USH1C: variants seen among roughly 807,000 people sequenced by gnomAD.
USH1C encodes harmonin.
USH1C carries 90 observed loss-of-function variants against 119.3 expected under a neutral mutation model. The observed-to-expected ratio is 0.75, with a 90% CI of 0.64 to 0.90. The LOEUF (loss-of-function observed/expected upper bound fraction) is 0.90. USH1C is among the 40% of genes least tolerant of loss of function. USH1C has a pLI of 0.00. For missense variants in USH1C, 1,165 were observed against 1,167.7 expected (o/e 1.00, Z 0.03); for synonymous variants, 465 against 443.3 (o/e 1.05, Z -0.62).
chr11:17,542,062 G>C (rs1851492790), intron 1 of USH1C, among the ~76,000 whole-genome samples: 3 of 152,200 alleles, frequency 2.0e-5, no homozygotes, highest in Admixed American at 2.0e-4. Flanking sequence ...CCACACACAT[G>C]TAGGTCTCAT....
intron 14 of USH1C, among the ~76,000 whole-genome samples, 186 bp downstream of exon 14, chr11:17,520,684 G>A (rs1191602053): frequency 6.6e-6 from 1 of 152,134 alleles, no homozygotes; most frequent in Admixed American, 6.5e-5. Flanking sequence ...TGAACAAGGG[G>A]AGCAGACAGA....
chr11:17,533,345 C>G, intron 1 of USH1C, 23 bp from the exon 2 acceptor site: 1 of 1,584,056 alleles, frequency 6.3e-7, no homozygotes, highest in Non-Finnish European at 8.6e-7. Flanking sequence ...ATAGCAGAAT[C>G]ACAGCTCCAG....
intron 1 of USH1C, among the ~76,000 whole-genome samples, chr11:17,534,568 C>T (rs916658042): frequency 6.6e-6 from 1 of 152,190 alleles, no homozygotes; most frequent in Non-Finnish European, 1.5e-5. Context: ...TTCTCCCTAC[C>T]TCAGTGCAAG....
chr11:17,517,309 C>A (rs993437420), intron 14 of USH1C: 2 of 1,310,440 alleles, frequency 1.5e-6, no homozygotes, highest in Non-Finnish European at 1.1e-6. Context: ...ACATGCTGGG[C>A]CCCTGAAGCT....
At chr11:17,503,131 G>A (rs1453472438) in intron 20 of USH1C, among the ~76,000 whole-genome samples, 1 of 152,214 alleles carries the variant, frequency 6.6e-6, no homozygotes, top group Non-Finnish European at 1.5e-5. Context: ...TCAACCCCAA[G>A]AGGCCATGAG....
rs1278150376 is a variant in USH1C at position 17,501,999 on chromosome 11, C to T, written c.2185-19G>A. Reference sequence around the variant, plus strand: ...GGAAATCCTGGAAGCAAAGGGAGGGCTTTAGGGCAACACAGCAGAGGGTCT... The same window carrying T: ...GGAAATCCTGGAAGCAAAGGGAGGGTTTTAGGGCAACACAGCAGAGGGTCT... On this transcript the variant is annotated intron_variant, in intron 20 of 26. Transcript: ENST00000005226. The T allele has an allele frequency of 6.2e-7, 1 of 1,613,016 alleles. No homozygotes were observed. Among genetic ancestry groups the T allele is most frequent in the South Asian group, 1.1e-5 (1 of 90,856 alleles).
At chr11:17,498,382 G>C in intron 23 of USH1C, 111 bp from the exon 24 acceptor site, 1 of 1,022,022 alleles carries the variant, frequency 9.8e-7, no homozygotes, top group Non-Finnish European at 1.6e-6. Flanking sequence ...CTGAGCCTGG[G>C]TTCTGAAAGC....
chr11:17,517,465 C>A (rs143923730), intron 14 of USH1C: 37 of 1,592,624 alleles, frequency 2.3e-5, no homozygotes, highest in Non-Finnish European at 3.1e-5. Context: ...AGGTTCCACT[C>A]CCTGATCATC....
chr11:17,522,050 C>G (rs1434146329), intron 12 of USH1C, among the ~76,000 whole-genome samples: 1 of 152,110 alleles, frequency 6.6e-6, no homozygotes, highest in African/African-American at 2.4e-5. Flanking sequence ...CCAGGCTGGT[C>G]TCGAACTCCT....
chr11:17,496,104 G>C (rs895150871), intron 25 of USH1C, among the ~76,000 whole-genome samples: 2 of 151,972 alleles, frequency 1.3e-5, no homozygotes, highest in African/African-American at 4.8e-5. Flanking sequence ...AAGAATAGGA[G>C]ACAGTGAGAG....
At chr11:17,510,169 C>T (rs1158579784) in intron 17 of USH1C, among the ~76,000 whole-genome samples, 1 of 152,194 alleles carries the variant, frequency 6.6e-6, no homozygotes, top group African/African-American at 2.4e-5. Context: ...ACAGGCCTAA[C>T]TGAGACTATC....
At chr11:17,516,508 T>G in intron 14 of USH1C, 1 of 586,494 alleles carries the variant, frequency 1.7e-6, no homozygotes, top group Non-Finnish European at 3.1e-6. Context: ...AAAGCCCCGG[T>G]TCCCAGGCCC....
In USH1C at chr11:17,517,288, T is replaced by C. The variant is rs1045766057; in HGVS notation, c.1211-998A>G. 58 of 1,093,352 alleles carry C rather than the reference T, an allele frequency of 5.3e-5. No homozygotes were observed. The East Asian group carries it at 8.2e-4, about 16-fold the overall frequency. The allele number at this position is 1,093,352 out of a possible 1,614,324, so 67.7% of individuals were successfully genotyped here. ...GCTTGGAGGAGCTTTACAGACTCTA[T>C]TGGCCCCCACACATGCTGGGCCCCT... On this transcript the variant is annotated intron_variant, in intron 14 of 26. Coordinates refer to ENST00000005226, the MANE Select transcript of USH1C (RefSeq NM_153676.4).
At chr11:17,533,390 G>T in intron 1 of USH1C, 68 bp from the exon 2 acceptor site, 4 of 1,193,472 alleles carry the variant, frequency 3.4e-6, no homozygotes, top group South Asian at 1.2e-5. Context: ...ACCTCAGGGA[G>T]GAGAGGTCAT....
rs774790511 is a variant in USH1C at position 17,524,497 on chromosome 11, A to G, written c.713T>C (p.Ile238Thr). The change falls in exon 9 of 27, where the codon ATC becomes ACC. Residue 238 changes from isoleucine (I) to threonine (T), a missense_variant. Transcript: ENST00000005226. ...CAGGGAGCCAGGTTTCACATGGCTG[A>G]TAAAGATGCCAGGCTTCTGGATGGG... is the stretch of plus-strand genomic sequence containing the variant. ...SGPIQKPGIF[I>T]SHVKPGSLSA... The G allele has an allele frequency of 6.4e-7, 1 of 1,573,268 alleles. No homozygotes were observed.
At chr11:17,523,012 G>T in intron 11 of USH1C, 86 bp from the exon 12 acceptor site, 2 of 1,595,418 alleles carry the variant, frequency 1.3e-6, no homozygotes, top group Non-Finnish European at 1.7e-6. Context: ...GATGCAGGTG[G>T]TCTTCTCAGC....
rs190638847 is a variant in USH1C, at chr11:17,504,774, G to A, written c.2134-77C>T. The A allele has an allele frequency of 3.1e-4, 458 of 1,500,434 alleles. 3 individuals carry two copies. In the African/African-American group the frequency reaches 5.3e-3, roughly 17 times the overall value. The allele number at this position is 1,500,434 out of a possible 1,614,324, so 92.9% of individuals were successfully genotyped here. ...TGGCTGCCCCCTGGTGCCAGGCTTC[G>A]GGCCTGCCAGTCTGGGGCTGCCGTG... On this transcript the variant is annotated intron_variant, in intron 19 of 26. Transcript: ENST00000005226.
intron 14 of USH1C, among the ~76,000 whole-genome samples, chr11:17,520,554 C>A: frequency 6.6e-6 from 1 of 152,200 alleles, no homozygotes; most frequent in Non-Finnish European, 1.5e-5. Context: ...AACATTAGGA[C>A]GGTAATCCCA....
Position 17,517,440 on chromosome 11 carries a change from T to G in USH1C, c.1211-1150A>C, listed in dbSNP as rs766318556. ...CCTCCGTGCCTCCATCCAGGTCATC[T>G]GCGGGCTCGAGCTCAGGTTCCACTC... On this transcript the variant is annotated intron_variant, in intron 14 of 26. Transcript: ENST00000005226. 4 of 1,596,382 alleles carry G rather than the reference T, an allele frequency of 2.5e-6. No homozygotes were observed. The highest frequency in any genetic ancestry group is 2.3e-5 in the South Asian group (2 of 87,840).
Sources: gnomAD v4.1 joint callset for allele counts (sites outside exome capture counted in the v4.1 genomes callset) on GRCh38, gnomAD v4.1.1 for gene constraint, MANE v1.5 for transcripts, NCBI Gene and HGNC (gene_info 2026-07-23, HGNC 2026-07-21) for gene names.